Variants in NFIC observed in about 807,000 individuals in gnomAD.
The protein encoded by NFIC is nuclear factor 1 C-type.
NFIC carries 12 observed loss-of-function variants against 54.4 expected under a neutral mutation model. That is an observed-to-expected ratio of 0.22 (90% CI 0.14 to 0.36). NFIC has a LOEUF of 0.36. NFIC is among the 10% of genes least tolerant of loss of function. The pLI is 1.00. For synonymous variants in NFIC, 322 were observed against 319.2 expected (o/e 1.01, Z -0.09); for missense variants, 575 against 718.2 (o/e 0.80, Z 2.28).
upstream of NFIC, among the ~76,000 whole-genome samples, chr19:3,362,714 G>A (rs1019091433): frequency 2.6e-5 from 4 of 152,112 alleles, no homozygotes; most frequent in African/African-American, 9.7e-5. Flanking sequence ...TACAGCCTCA[G>A]TTTCTCATCT....
chr19:3,455,153 G>C (rs969341855), intron 9 of NFIC, among the ~76,000 whole-genome samples: 1 of 152,256 alleles, frequency 6.6e-6, no homozygotes, highest in Non-Finnish European at 1.5e-5. Flanking sequence ...GGCAGCTGTG[G>C]TCATTCTTGC....
At chr19:3,423,496 G>C (rs561333010) in intron 2 of NFIC, among the ~76,000 whole-genome samples, 1 of 151,708 alleles carries the variant, frequency 6.6e-6, no homozygotes, top group Non-Finnish European at 1.5e-5. Context: ...TGCCACCTTC[G>C]TCTTTGACCT....
intron 2 of NFIC, among the ~76,000 whole-genome samples, chr19:3,420,140 G>A (rs900044564): frequency 3.3e-5 from 5 of 151,980 alleles, no homozygotes; most frequent in African/African-American, 4.8e-5. Context: ...GGGCAGCATC[G>A]CGAAAACCCG....
intron 2 of NFIC, among the ~76,000 whole-genome samples, chr19:3,392,370 C>A (rs1164504732): frequency 1.3e-5 from 2 of 152,120 alleles, no homozygotes; most frequent in African/African-American, 2.4e-5. Flanking sequence ...CCGCACCCGG[C>A]CTAAATGAGA....
chr19:3,447,686 C>G (rs2082393598), intron 6 of NFIC, among the ~76,000 whole-genome samples: 1 of 152,218 alleles, frequency 6.6e-6, no homozygotes, highest in Non-Finnish European at 1.5e-5. Context: ...ATGGAAATTC[C>G]AGAGCTTTAC....
intron 3 of NFIC, among the ~76,000 whole-genome samples, chr19:3,426,733 C>T (rs1050313798): frequency 3.3e-5 from 5 of 152,124 alleles, no homozygotes; most frequent in East Asian, 1.9e-4. Flanking sequence ...CAGACCTCCT[C>T]GCCGTTCCTC....
At chr19:3,427,978 T>C (rs1402824340) in intron 3 of NFIC, among the ~76,000 whole-genome samples, 1 of 151,626 alleles carries the variant, frequency 6.6e-6, no homozygotes, top group East Asian at 1.9e-4. Context: ...GAGACTAGCC[T>C]GATCAACATG....
intron 10 of NFIC, among the ~76,000 whole-genome samples, chr19:3,461,211 A>G (rs2082633229): frequency 1.3e-5 from 2 of 150,856 alleles, no homozygotes; most frequent in East Asian, 3.9e-4. Context: ...TTTGGGAGGA[A>G]GGAGTTCAAG....
chr19:3,360,751 C>T (rs1297457972), intron 1 of NFIC, among the ~76,000 whole-genome samples: 1 of 152,202 alleles, frequency 6.6e-6, no homozygotes, highest in Non-Finnish European at 1.5e-5. Context: ...CCCTGCGGGA[C>T]GGTGTTGTGA....
At chr19:3,432,386 G>A (rs2145625237) in intron 3 of NFIC, among the ~76,000 whole-genome samples, 1 of 152,240 alleles carries the variant, frequency 6.6e-6, no homozygotes, top group Non-Finnish European at 1.5e-5. Context: ...GGACACTGCA[G>A]GGTCGGGGCA....
chr19:3,423,349 C>T (rs914878883), intron 2 of NFIC, among the ~76,000 whole-genome samples: 4 of 152,286 alleles, frequency 2.6e-5, no homozygotes, highest in South Asian at 2.1e-4. Context: ...TTTGTGCCCA[C>T]GTGGAAGATG....
chr19:3,387,153 C>A (rs1420727300), intron 2 of NFIC, among the ~76,000 whole-genome samples: 1 of 152,116 alleles, frequency 6.6e-6, no homozygotes, highest in Non-Finnish European at 1.5e-5. Flanking sequence ...GGGTGGATGG[C>A]GGTGGAGGGG....
chr19:3,459,680 G>C lies in NFIC; in HGVS notation c.1509+3045G>C, dbSNP rs2082612319. 1.3e-5 allele frequency among the ~76,000 whole-genome samples: 2 copies of C among 152,220 alleles called. No individual in the cohort carries two copies. The highest frequency in any genetic ancestry group is 2.9e-5 in the Non-Finnish European group (2 of 68,030). ...GAAGGGGAGGGGAGGGAAGGGAGGA[G>C]GGAGGAAGGGCTGAGGGGAGGCTGG... On this transcript the variant is annotated intron_variant, in intron 10 of 10. Transcript: ENST00000443272. The surrounding 1 kb of genome is among the most constrained non-coding windows in gnomAD (Gnocchi z 4.2).
intron 5 of NFIC, 56 bp from the exon 6 acceptor site, chr19:3,435,027 G>GC (rs1203743527): frequency 8.0e-6 from 12 of 1,494,756 alleles, no homozygotes; most frequent in African/African-American, 4.2e-5. Context: ...CCGCCGTCGC[G>GC]CCCCCCGCCC....
At chr19:3,421,471 C>T (rs1396126813) in intron 2 of NFIC, among the ~76,000 whole-genome samples, 1 of 152,258 alleles carries the variant, frequency 6.6e-6, no homozygotes, top group Non-Finnish European at 1.5e-5. Flanking sequence ...AGCCTGGGAT[C>T]GGCTGCAGGG....
At chr19:3,448,864 T>C in intron 6 of NFIC, 150 bp from the exon 7 acceptor site, 4 of 1,252,502 alleles carry the variant, frequency 3.2e-6, no homozygotes, top group Non-Finnish European at 4.4e-6. Flanking sequence ...CTCTGTGTAA[T>C]GGGCTCACAG....
rs574544984 is a variant in NFIC at position 3,458,233 on chromosome 19, G to A, written c.1509+1598G>A. ...CAGGACTCCTCGCTTTGGGATTTGG[G>A]CCCCCTATGGCCAACCTCTCCCCCG... On this transcript the variant is annotated intron_variant, in intron 10 of 10. Coordinates refer to ENST00000443272, the MANE Select transcript of NFIC (RefSeq NM_001245002.2). The surrounding 1 kb of genome is among the most constrained non-coding windows in gnomAD (Gnocchi z 4.1). Among the ~76,000 whole-genome samples, 56 of 152,262 alleles carry A rather than the reference G, an allele frequency of 3.7e-4. No individual in the cohort carries two copies. Among genetic ancestry groups the A allele is most frequent in the South Asian group, 1.2e-3 (6 of 4,824 alleles).
intron 1 of NFIC, among the ~76,000 whole-genome samples, chr19:3,377,324 ACT>A (rs1338603657): frequency 9.9e-6 from 1 of 100,556 alleles, no homozygotes. Flanking sequence ...ACAGAGCGAG[ACT>A]CTGTCTCAAA....
intron 1 of NFIC, among the ~76,000 whole-genome samples, chr19:3,372,764 C>T (rs2081044550): frequency 6.6e-6 from 1 of 151,458 alleles, no homozygotes; most frequent in Non-Finnish European, 1.5e-5. Context: ...TCCTCCCTGA[C>T]TGTGTGACTT....
Sources: allele counts gnomAD v4.1 joint callset (sites outside exome capture counted in the v4.1 genomes callset), GRCh38; gene constraint gnomAD v4.1.1; non-coding constraint Gnocchi (gnomAD v3.1); transcripts MANE v1.5; gene names NCBI Gene and HGNC (gene_info 2026-07-23, HGNC 2026-07-21).